Variants in CFAP20DC observed in about 807,000 individuals in gnomAD.
CFAP20DC encodes the protein CFAP20 domain containing, also known as protein CFAP20DC.
A neutral mutation model predicts 101.7 loss-of-function variants in CFAP20DC; 84 were observed. That is an observed-to-expected ratio of 0.83 (90% confidence interval 0.69 to 0.99). CFAP20DC has a LOEUF of 0.99. Among genes scored for constraint, CFAP20DC ranks in the 50% least tolerant of loss-of-function variants. The probability of loss-of-function intolerance (pLI) is 0.00; values close to 1 mark genes in which losing one functional copy is unlikely to be tolerated. For missense variants in CFAP20DC, 1,007 were observed against 970.3 expected, an observed-to-expected ratio of 1.04 and a Z score of -0.50; for synonymous variants, 359 against 351.2, an observed-to-expected ratio of 1.02 and a Z score of -0.25.
At chr3:59,035,504 AGG>A (rs766466554) in intron 4 of CFAP20DC, among the ~76,000 whole-genome samples, 1 of 152,216 alleles carries the variant, frequency 6.6e-6, no homozygotes, top group Non-Finnish European at 1.5e-5. Flanking sequence ...AAAAGGATAA[AGG>A]GGATTTCACC....
chr3:58,875,394 T>C (rs1003176731), intron 7 of CFAP20DC, among the ~76,000 whole-genome samples: 1 of 152,152 alleles, frequency 6.6e-6, no homozygotes, highest in African/African-American at 2.4e-5. Context: ...TAGAACAAAT[T>C]CTAGACTATT....
chr3:58,802,162 G>A (rs1292357216), intron 15 of CFAP20DC, among the ~76,000 whole-genome samples: 6 of 151,746 alleles, frequency 4.0e-5, no homozygotes, highest in Non-Finnish European at 8.8e-5. Flanking sequence ...TCCTGAGCAG[G>A]AATATCTTAC....
chr3:58,949,535 T>C (rs888908615), intron 4 of CFAP20DC, among the ~76,000 whole-genome samples: 2 of 152,182 alleles, frequency 1.3e-5, no homozygotes, highest in Non-Finnish European at 2.9e-5. Flanking sequence ...CTTCATTTCG[T>C]TATGTATCCA....
At chr3:58,733,624 A>G (rs1190964244) in intron 3 of CFAP20DC, among the ~76,000 whole-genome samples, 1 of 152,222 alleles carries the variant, frequency 6.6e-6, no homozygotes, top group Non-Finnish European at 1.5e-5. Flanking sequence ...TATTTTACTC[A>G]GGAGTAGGAT....
chr3:58,849,048 G>GAGCTCAGCCTTTCCCCTGAGATTTCTT lies in CFAP20DC; in HGVS notation c.1928_1954dup (p.Ser651_Ser652insTer), dbSNP rs1266331799. ...ACCACTTACAGATGCTTCGGGGATC[G>GAGCTCAGCCTTTCCCCTGAGATTTCTT]AGCTCAGCCTTTCCCCTGAGATTTC... On this transcript the variant is annotated stop_gained, in exon 13 of 17. Coordinates refer to ENST00000482387, the MANE Select transcript of CFAP20DC (RefSeq NM_001394063.1). LOFTEE classifies it high-confidence loss of function. The GAGCTCAGCCTTTCCCCTGAGATTTCTT allele has an allele frequency of 6.5e-7, 1 of 1,535,562 alleles. No homozygotes were observed. Among genetic ancestry groups the GAGCTCAGCCTTTCCCCTGAGATTTCTT allele is most frequent in the Non-Finnish European group, 8.7e-7 (1 of 1,146,726 alleles).
At chr3:58,778,218 C>T (rs1016942486) in intron 15 of CFAP20DC, among the ~76,000 whole-genome samples, 1 of 152,162 alleles carries the variant, frequency 6.6e-6, no homozygotes, top group African/African-American at 2.4e-5. Flanking sequence ...AGGATCACCT[C>T]GTCCTTGTCT....
intron 15 of CFAP20DC, among the ~76,000 whole-genome samples, chr3:58,783,514 C>A (rs1473614640): frequency 2.0e-5 from 3 of 151,882 alleles, no homozygotes; most frequent in Non-Finnish European, 4.4e-5. Context: ...GAAGAGACAA[C>A]CTGTTGAATG....
At position 58,717,976 on chromosome 3, in the gene CFAP20DC, C is replaced by T. The variant is rs2067419798; in HGVS notation, c.198-348G>A. On this transcript the variant is annotated intron_variant, in intron 3 of 3. Transcript: ENST00000486145. This position sits in a 1 kb window ranked among gnomAD's most constrained non-coding sequence, Gnocchi z 4.1. ...CTTCTCAAAAGCTTATGATTTTTAC[C>T]ATTCCCATTTGGATAAGCTATGGAG... 6.6e-6 allele frequency among the ~76,000 whole-genome samples: 1 copy of T among 152,190 alleles called. No homozygotes were observed. The highest frequency in any genetic ancestry group is 1.5e-5 in the Non-Finnish European group (1 of 68,034).
At chr3:58,803,469 A>G (rs1458861286) in intron 15 of CFAP20DC, among the ~76,000 whole-genome samples, 1 of 152,218 alleles carries the variant, frequency 6.6e-6, no homozygotes, top group Non-Finnish European at 1.5e-5. Flanking sequence ...TAGGGTCTAA[A>G]GCATTGGGAT....
In CFAP20DC at chr3:58,782,883, T is replaced by C. The variant is rs146323607; in HGVS notation, c.2237+23512A>G. 5.5e-3 allele frequency among the ~76,000 whole-genome samples: 834 copies of C among 152,150 alleles called. 11 individuals carry two copies. The highest frequency in any genetic ancestry group is 9.7e-3 in the Non-Finnish European group (657 of 67,938). ...AATGCAATCTCTATCAAAATGCCAATGTCATTTTTCACAAAAAGAAAAAAA... is the reference window on the plus strand; with the variant it reads ...AATGCAATCTCTATCAAAATGCCAACGTCATTTTTCACAAAAAGAAAAAAA... On this transcript the variant is annotated intron_variant, in intron 15 of 16. Transcript: ENST00000482387.
chr3:58,765,661 A>C (rs565770422), intron 15 of CFAP20DC, among the ~76,000 whole-genome samples: 2 of 152,142 alleles, frequency 1.3e-5, no homozygotes, highest in South Asian at 4.1e-4. Context: ...TAATTATTAT[A>C]TATCTTTCAA....
At chr3:58,932,710 G>A (rs1470046383) in intron 5 of CFAP20DC, among the ~76,000 whole-genome samples, 2 of 152,164 alleles carry the variant, frequency 1.3e-5, no homozygotes. Context: ...ATCCTTTACA[G>A]ACAAGCAAAT....
At chr3:58,919,409 A>C (rs1406115783) in intron 5 of CFAP20DC, among the ~76,000 whole-genome samples, 2 of 152,184 alleles carry the variant, frequency 1.3e-5, no homozygotes, top group Non-Finnish European at 2.9e-5. Flanking sequence ...ACAGTGTCTT[A>C]ATTACTTATG....
intron 4 of CFAP20DC, among the ~76,000 whole-genome samples, chr3:59,004,751 A>T (rs1464532049): frequency 3.3e-5 from 5 of 152,130 alleles, no homozygotes; most frequent in Non-Finnish European, 7.4e-5. Flanking sequence ...CTGGGGTACA[A>T]ATTTTCCACT....
intron 4 of CFAP20DC, among the ~76,000 whole-genome samples, chr3:59,008,462 T>G (rs902589981): frequency 2.6e-5 from 4 of 152,184 alleles, no homozygotes; most frequent in Non-Finnish European, 5.9e-5. Context: ...GCTATTGACT[T>G]GAAGCCTGAA....
At chr3:59,009,725 C>G (rs1255549159) in intron 4 of CFAP20DC, among the ~76,000 whole-genome samples, 1 of 152,148 alleles carries the variant, frequency 6.6e-6, no homozygotes, top group Non-Finnish European at 1.5e-5. Flanking sequence ...TCAAAGAACT[C>G]TGGGGAAATT....
Position 58,817,571 on chromosome 3 carries a change from G to A in CFAP20DC, c.2176-11115C>T, listed in dbSNP as rs562572855. Among the ~76,000 whole-genome samples, 38 of 144,188 alleles carry A rather than the reference G, an allele frequency of 2.6e-4. No homozygotes were observed. The South Asian group carries it at 6.6e-3, about 25-fold the overall frequency. The allele number at this position is 144,188 out of a possible 152,430, so 94.6% of individuals were successfully genotyped here. On this transcript the variant is annotated intron_variant, in intron 14 of 16. Coordinates refer to ENST00000482387, the MANE Select transcript of CFAP20DC (RefSeq NM_001394063.1). ...GAAGATGAAATGAATGAAATGAAGCGAGAAGGGAAGTTTAGAGAAAAAAGA... is the reference window on the plus strand; with the variant it reads ...GAAGATGAAATGAATGAAATGAAGCAAGAAGGGAAGTTTAGAGAAAAAAGA...
chr3:58,753,859 A>T lies in CFAP20DC; in HGVS notation c.2242T>A (p.Trp748Arg). 1 of 1,604,192 alleles carries T rather than the reference A, an allele frequency of 6.2e-7. No homozygotes were observed. The highest frequency in any genetic ancestry group is 1.3e-5 in the African/African-American group (1 of 74,592). ...ATTGGTGGGCTCAACATATTTAACC[A>T]GTCCCTAAAAAGAAAACAAAGTGAA... ...NPPSPSNPRD[W>R]LNMLSPPIVP... Residue 748 changes from tryptophan (W) to arginine (R), a missense_variant, in exon 16 of 17, where the codon TGG becomes AGG. Transcript: ENST00000482387.
Position 59,015,356 on chromosome 3 carries a change from G to A in CFAP20DC, c.278+24201C>T, listed in dbSNP as rs528561788. On this transcript the variant is annotated intron_variant, in intron 4 of 16. Coordinates refer to ENST00000482387, the MANE Select transcript of CFAP20DC (RefSeq NM_001394063.1). The surrounding 1 kb of genome is among the most constrained non-coding windows in gnomAD (Gnocchi z 5.4). ...AAGAAATGAGAAGGAAAGGAAGAAG[G>A]AAAAGAAAAATTAGGAAGAAGAAGA... Among the ~76,000 whole-genome samples the A allele has an allele frequency of 1.3e-5, 2 of 151,794 alleles. No individual in the cohort carries two copies. Among genetic ancestry groups the A allele is most frequent in the South Asian group, 4.2e-4 (2 of 4,798 alleles).
Sources: allele counts gnomAD v4.1 joint callset (sites outside exome capture counted in the v4.1 genomes callset), GRCh38; gene constraint gnomAD v4.1.1; non-coding constraint Gnocchi (gnomAD v3.1); transcripts MANE v1.5; gene names NCBI Gene and HGNC (gene_info 2026-07-23, HGNC 2026-07-21).